The following TLCD4 variants were observed in gnomAD, a reference collection of about 807,000 sequenced individuals.
TLCD4 encodes TLC domain containing 4.
A neutral mutation model predicts 24.2 loss-of-function variants in TLCD4; 7 were observed. That is an observed-to-expected ratio of 0.29 (90% confidence interval 0.16 to 0.54). The LOEUF is 0.54. TLCD4 is among the 20% of genes least tolerant of loss of function. The pLI, the probability that TLCD4 is intolerant of heterozygous loss-of-function variation, is 0.95. For missense variants in TLCD4, 259 were observed against 313.9 expected (o/e 0.82, Z 1.32); for synonymous variants, 103 against 106.4 (o/e 0.97, Z 0.20).
intron 1 of TLCD4, among the ~76,000 whole-genome samples, chr1:95,140,454 C>T (rs1301699161): frequency 6.6e-6 from 1 of 152,118 alleles, no homozygotes; most frequent in Non-Finnish European, 1.5e-5. Flanking sequence ...TACTTCAGAC[C>T]TTTTCATGTT....
chr1:95,113,858 T>C (rs1265105334), upstream of TLCD4, among the ~76,000 whole-genome samples: 1 of 152,016 alleles, frequency 6.6e-6, no homozygotes, highest in Non-Finnish European at 1.5e-5. Context: ...GCTGCCTCCA[T>C]AGATGCCTGG....
chr1:95,115,234 G>T (rs1040010196), upstream of TLCD4, among the ~76,000 whole-genome samples: 1 of 151,822 alleles, frequency 6.6e-6, no homozygotes, highest in Non-Finnish European at 1.5e-5. Flanking sequence ...AGCCTCTCGA[G>T]TAGCTGAGAT....
upstream of TLCD4, chr1:95,117,328 C>T (rs1410326752): frequency 6.6e-6 from 1 of 152,254 alleles, no homozygotes; most frequent in Non-Finnish European, 1.5e-5. Flanking sequence ...GAGCGGGAGC[C>T]GGAGCCCGAG....
the TLCD4 span, among the ~76,000 whole-genome samples, chr1:95,108,551 T>C: frequency 6.6e-6 from 1 of 152,178 alleles, no homozygotes; most frequent in Non-Finnish European, 1.5e-5. Context: ...ATCAAACTCC[T>C]GGGCTTAAGC....
At chr1:95,174,713 T>C (rs1202506763) in intron 6 of TLCD4, among the ~76,000 whole-genome samples, 1 of 152,100 alleles carries the variant, frequency 6.6e-6, no homozygotes, top group Non-Finnish European at 1.5e-5. Context: ...ACTACTTTTA[T>C]TTTAAATACA....
chr1:95,113,933 G>A (rs913375711), upstream of TLCD4, among the ~76,000 whole-genome samples: 1 of 151,854 alleles, frequency 6.6e-6, no homozygotes, highest in Non-Finnish European at 1.5e-5. Flanking sequence ...ACCCCAGCAT[G>A]GGCAGCATAG....
At chr1:95,106,671 T>C in the TLCD4 span, among the ~76,000 whole-genome samples, 1 of 152,096 alleles carries the variant, frequency 6.6e-6, no homozygotes, top group African/African-American at 2.4e-5. Context: ...CCAACCTGAG[T>C]GACAGAGTGT....
At chr1:95,092,726 G>A in the TLCD4 span, among the ~76,000 whole-genome samples, 26 of 152,316 alleles carry the variant, frequency 1.7e-4, no homozygotes, top group African/African-American at 6.3e-4. Flanking sequence ...CTTAAGAGCT[G>A]TAACACTCAC....
chr1:95,182,721 A>G (rs1571783392), intron 6 of TLCD4, among the ~76,000 whole-genome samples: 1 of 152,164 alleles, frequency 6.6e-6, no homozygotes, highest in Non-Finnish European at 1.5e-5. Context: ...AGACCTCCCA[A>G]AAAGGACTCA....
At chr1:95,184,775 C>T (rs1300213050) in intron 6 of TLCD4, among the ~76,000 whole-genome samples, 1 of 152,132 alleles carries the variant, frequency 6.6e-6, no homozygotes. Context: ...AACTGTTAGT[C>T]TTTATTTGCT....
intron 5 of TLCD4, among the ~76,000 whole-genome samples, chr1:95,160,760 C>T (rs1410482067): frequency 6.6e-6 from 1 of 152,186 alleles, no homozygotes; most frequent in Non-Finnish European, 1.5e-5. Context: ...TTGAGATAAT[C>T]ATGTGGTTTT....
At chr1:95,180,019 A>G (rs553993678) in intron 6 of TLCD4, among the ~76,000 whole-genome samples, 234 of 152,200 alleles carry the variant, frequency 1.5e-3, no homozygotes, top group Non-Finnish European at 2.4e-3. Flanking sequence ...TATGTTTCCT[A>G]TTTATCTTTA....
At chr1:95,133,327 A>G (rs576396593) in intron 1 of TLCD4, among the ~76,000 whole-genome samples, 1 of 152,232 alleles carries the variant, frequency 6.6e-6, no homozygotes, top group Non-Finnish European at 1.5e-5. Context: ...TGGCACATGT[A>G]TACATATGTA....
chr1:95,141,791 G>GCACACACA (rs1677202896), intron 1 of TLCD4, among the ~76,000 whole-genome samples: 1 of 44,586 alleles, frequency 2.2e-5, no homozygotes, highest in Admixed American at 2.7e-4. Flanking sequence ...TTTTTACCAA[G>GCACACACA]TACACACACA....
upstream of TLCD4, among the ~76,000 whole-genome samples, chr1:95,113,735 C>CA (rs1194459304): frequency 5.3e-5 from 8 of 151,984 alleles, no homozygotes; most frequent in Admixed American, 2.0e-4. Context: ...ATAAAATGCG[C>CA]AAAAAGAACA....
At chr1:95,097,520 T>C in the TLCD4 span, among the ~76,000 whole-genome samples, 1 of 152,182 alleles carries the variant, frequency 6.6e-6, no homozygotes, top group Admixed American at 6.5e-5. Context: ...ATCCAACTCA[T>C]CCAGCTGGAG....
intron 5 of TLCD4, among the ~76,000 whole-genome samples, chr1:95,168,445 A>G (rs1678093060): frequency 6.9e-6 from 1 of 145,724 alleles, no homozygotes; most frequent in Non-Finnish European, 1.5e-5. Context: ...AGACATTTTT[A>G]TTTTCTCATA....
At chr1:95,146,973 A>G (rs1197302203) in intron 2 of TLCD4, among the ~76,000 whole-genome samples, 1 of 152,134 alleles carries the variant, frequency 6.6e-6, no homozygotes, top group African/African-American at 2.4e-5. Flanking sequence ...AGTTTGTAAG[A>G]GAGATTATAT....
the TLCD4 span, among the ~76,000 whole-genome samples, chr1:95,111,103 G>T: frequency 2.3e-4 from 34 of 150,800 alleles, no homozygotes; most frequent in Non-Finnish European, 5.9e-5. Flanking sequence ...ACCAGCCTAG[G>T]CAACAGAGCA....
Sources: gnomAD v4.1 joint callset for allele counts (sites outside exome capture counted in the v4.1 genomes callset) on GRCh38, gnomAD v4.1.1 for gene constraint, MANE v1.5 for transcripts, NCBI Gene and HGNC (gene_info 2026-07-23, HGNC 2026-07-21) for gene names.